HEATR5B: variants seen among roughly 807,000 people sequenced by gnomAD.
HEATR5B encodes HEAT repeat-containing protein 5B.
Under a neutral mutation model 224.1 loss-of-function variants are expected in HEATR5B, and 156 were observed. The ratio of observed to expected loss-of-function variants is 0.70; its 90% CI spans 0.61 to 0.80. The LOEUF (loss-of-function observed/expected upper bound fraction) is 0.80, where lower values mean the gene tolerates loss of function less well. Ranked by LOEUF, HEATR5B falls within the 30% of genes least tolerant of loss-of-function variation. HEATR5B has a pLI of 0.00. For missense variants in HEATR5B, 2,323 were observed against 2,535.5 expected (o/e 0.92, Z 1.80); for synonymous variants, 1,027 against 893.0 (o/e 1.15, Z -2.68).
intron 25 of HEATR5B, 81 bp downstream of exon 25, chr2:37,020,574 C>G: frequency 1.0e-6 from 1 of 982,894 alleles, no homozygotes; most frequent in Non-Finnish European, 1.5e-6. Context: ...GTTCCAAATG[C>G]AGTCCTCCAG....
At chr2:37,061,606 A>G (rs1336590914) in intron 11 of HEATR5B, among the ~76,000 whole-genome samples, 2 of 151,972 alleles carry the variant, frequency 1.3e-5, no homozygotes, top group Non-Finnish European at 1.5e-5. Context: ...TGACTTTACC[A>G]CTCTTCTAAA....
rs556909964 is a variant in HEATR5B at position 37,071,602 on chromosome 2, C to T, written c.769+508G>A. Among the ~76,000 whole-genome samples, 3 of 152,114 alleles carry T rather than the reference C, an allele frequency of 2.0e-5. 1 individual carries two copies. In the East Asian group the frequency reaches 5.8e-4, roughly 29 times the overall value. On this transcript the variant is annotated intron_variant, in intron 6 of 35. Transcript: ENST00000233099. ...TCATAAATCTTATGTGCTTATATGTCCAGCATAATTGCTAGATATCCTGTA... is the reference window on the plus strand; with the variant it reads ...TCATAAATCTTATGTGCTTATATGTTCAGCATAATTGCTAGATATCCTGTA...
chr2:37,026,310 A>C (rs768420249), intron 24 of HEATR5B, among the ~76,000 whole-genome samples: 10 of 152,222 alleles, frequency 6.6e-5, no homozygotes, highest in Admixed American at 2.6e-4. Context: ...ATGTTAGCCC[A>C]GCGAGACTCT....
chr2:36,997,728 A>G (rs1474311772), intron 33 of HEATR5B, among the ~76,000 whole-genome samples: 2 of 152,008 alleles, frequency 1.3e-5, no homozygotes, highest in African/African-American at 4.8e-5. Context: ...CACCACGCCC[A>G]GCTAATTTTT....
intron 35 of HEATR5B, among the ~76,000 whole-genome samples, chr2:36,986,043 G>T (rs11682782): frequency 0.21 from 31,362 of 151,918 alleles, 4,217 homozygotes; most frequent in East Asian, 0.64. Flanking sequence ...TAGGGTGCCT[G>T]TAAAGGAATT....
intron 17 of HEATR5B, among the ~76,000 whole-genome samples, chr2:37,050,627 G>A (rs1254248196): frequency 6.6e-6 from 1 of 152,140 alleles, no homozygotes; most frequent in Non-Finnish European, 1.5e-5. Context: ...GCAAATATTT[G>A]GAAAGAGGAT....
intron 27 of HEATR5B, among the ~76,000 whole-genome samples, chr2:37,012,787 C>G (rs1667868375): frequency 6.6e-6 from 1 of 152,240 alleles, no homozygotes; most frequent in African/African-American, 2.4e-5. Context: ...TCCTCACTCT[C>G]ATGCCTAACT....
chr2:37,013,543 T>C (rs892597239), intron 27 of HEATR5B, among the ~76,000 whole-genome samples: 6 of 152,170 alleles, frequency 3.9e-5, no homozygotes, highest in Non-Finnish European at 7.3e-5. Context: ...AAAACCCCTA[T>C]GGCCTCAATA....
intron 10 of HEATR5B, among the ~76,000 whole-genome samples, chr2:37,063,839 T>A (rs1191074440): frequency 6.6e-6 from 1 of 151,918 alleles, no homozygotes; most frequent in Non-Finnish European, 1.5e-5. Context: ...TGAGACGGAG[T>A]CTTTCTCTGT....
intron 22 of HEATR5B, among the ~76,000 whole-genome samples, chr2:37,031,434 CTT>C (rs35877706): frequency 1.7e-4 from 21 of 125,964 alleles, no homozygotes; most frequent in Non-Finnish European, 2.3e-4. Flanking sequence ...TCTTTTCTTT[CTT>C]TTTTTTTTTT....
chr2:36,992,951 C>T (rs1253745271), intron 33 of HEATR5B, among the ~76,000 whole-genome samples: 1 of 152,152 alleles, frequency 6.6e-6, no homozygotes, highest in Non-Finnish European at 1.5e-5. Flanking sequence ...GTCCGAACTT[C>T]TGGCCTAAAG....
At chr2:37,004,733 G>A (rs927513413) in intron 30 of HEATR5B, among the ~76,000 whole-genome samples, 7 of 151,902 alleles carry the variant, frequency 4.6e-5, no homozygotes, top group African/African-American at 1.7e-4. Flanking sequence ...GTTCTCTTTT[G>A]GTTCTCCTGA....
chr2:37,037,159 T>TATATATATATATATATATATATATA (rs1448007926), intron 21 of HEATR5B, among the ~76,000 whole-genome samples: 53 of 139,234 alleles, frequency 3.8e-4, no homozygotes, highest in African/African-American at 4.7e-4. Flanking sequence ...TATATATATA[T>TATATATATATATATATATATATATA]TTTGGAGATG....
At chr2:36,984,800 T>G (rs371884472) in intron 35 of HEATR5B, among the ~76,000 whole-genome samples, 1 of 152,276 alleles carries the variant, frequency 6.6e-6, no homozygotes, top group East Asian at 1.9e-4. Context: ...AAAGGAGAGA[T>G]AAAATTACTT....
Position 37,038,037 on chromosome 2 carries a change from GA to G in HEATR5B, c.3047-14del, listed in dbSNP as rs750443329. The G allele has an allele frequency of 2.1e-6, 3 of 1,454,488 alleles. 1 individual carries two copies. The South Asian group carries it at 4.6e-5, about 22-fold the overall frequency. The allele number at this position is 1,454,488 out of a possible 1,614,324, so 90.1% of individuals were successfully genotyped here. On this transcript the variant is annotated splice_polypyrimidine_tract_variant and intron_variant, in intron 20 of 35. Coordinates refer to ENST00000233099, the MANE Select transcript of HEATR5B (RefSeq NM_019024.3). ...GTTGCTCCATTCCCTGGTGCAAAAT[GA>G]AAGAAAATATAAAATATAATTATTT...
chr2:37,061,992 G>C lies in HEATR5B; in HGVS notation c.1643C>G (p.Ser548Cys). 1 of 1,613,958 alleles carries C rather than the reference G, an allele frequency of 6.2e-7. No individual in the cohort carries two copies. The highest frequency in any genetic ancestry group is 8.5e-7 in the Non-Finnish European group (1 of 1,179,866). ...CCAGCCAGCTTGGGTGCGCTGTAAAGATAGCCTGCTATTTTGGGCAGCAGT... is the reference window on the plus strand; with the variant it reads ...CCAGCCAGCTTGGGTGCGCTGTAAACATAGCCTGCTATTTTGGGCAGCAGT... ...LRTAAQNSRL[S>C]LQRTQAGWLL... Residue 548 changes from serine to cysteine, a missense_variant, in exon 11 of 36, where the codon TCT becomes TGT. Physicochemically the swap from Ser to Cys is moderately radical, Grantham distance 112 (BLOSUM62 -1). Around this residue, in one of 12 missense-constraint regions of HEATR5B, gnomAD observed 502 missense variants for 517.8 expected, o/e 0.97. Coordinates refer to ENST00000233099, the MANE Select transcript of HEATR5B (RefSeq NM_019024.3).
intron 17 of HEATR5B, among the ~76,000 whole-genome samples, chr2:37,052,476 C>T (rs577245488): frequency 1.3e-5 from 2 of 152,342 alleles, no homozygotes; most frequent in Non-Finnish European, 2.9e-5. Context: ...GCAAAACTAA[C>T]ACAAATTCCT....
At chr2:37,074,236 T>A (rs1210780439) in intron 5 of HEATR5B, among the ~76,000 whole-genome samples, 1 of 149,208 alleles carries the variant, frequency 6.7e-6, no homozygotes, top group Non-Finnish European at 1.5e-5. Flanking sequence ...GGCAGGAGAA[T>A]GGTGTGAACC....
Position 36,981,571 on chromosome 2 carries a change from G to C in HEATR5B, c.6135C>G (p.Ser2045Arg). The C allele has an allele frequency of 6.2e-7, 1 of 1,614,178 alleles. No homozygotes were observed. The highest frequency in any genetic ancestry group is 8.5e-7 in the Non-Finnish European group (1 of 1,180,022). ...GTTGTCTGGCAGCCGCTTTAGCTTTGCTCGCTTGGCTTGCTCGAACGGCAG... is the reference window on the plus strand; with the variant it reads ...GTTGTCTGGCAGCCGCTTTAGCTTTCCTCGCTTGGCTTGCTCGAACGGCAG... The part of the protein sequence containing the change: ...LETAVRASQA[S>R]KAKAAARQPA... Residue 2045 changes from serine to arginine, a missense_variant, in exon 36 of 36, where the codon AGC becomes AGG. This residue lies in a region of HEATR5B where 844 missense variants were observed against 812.9 expected (regional missense o/e 1.04). Transcript: ENST00000233099.
Sources: gnomAD v4.1 joint callset for allele counts (sites outside exome capture counted in the v4.1 genomes callset) on GRCh38, gnomAD v4.1.1 for gene constraint, gnomAD v4.1.1 regional missense constraint, MANE v1.5 for transcripts, NCBI Gene and HGNC (gene_info 2026-07-23, HGNC 2026-07-21) for gene names.